The following ADD3 variants were observed in gnomAD, a reference collection of about 807,000 sequenced individuals.
The protein encoded by ADD3 is adducin 3.
Under a neutral mutation model 80.2 loss-of-function variants are expected in ADD3, and 25 were observed. The ratio of observed to expected loss-of-function variants is 0.31; its 90% CI spans 0.23 to 0.44. The LOEUF (loss-of-function observed/expected upper bound fraction) is 0.44. ADD3 is among the 20% of genes least tolerant of loss of function. ADD3 has a pLI of 1.00. For missense variants in ADD3, 829 were observed against 847.5 expected (o/e 0.98, Z 0.27); for synonymous variants, 284 against 289.6 (o/e 0.98, Z 0.20).
intron 1 of ADD3, among the ~76,000 whole-genome samples, chr10:110,059,046 C>G (rs888184651): frequency 6.6e-6 from 1 of 152,208 alleles, no homozygotes; most frequent in Non-Finnish European, 1.5e-5. Context: ...TTTTCACCTC[C>G]ATTACCTTGG....
intron 1 of ADD3, among the ~76,000 whole-genome samples, chr10:110,067,906 T>C (rs931574070): frequency 1.3e-5 from 2 of 152,250 alleles, no homozygotes; most frequent in African/African-American, 4.8e-5. Context: ...CTTTGAATGA[T>C]TTAGTTATTA....
chr10:110,073,849 C>T (rs564804316), intron 1 of ADD3, among the ~76,000 whole-genome samples: 59 of 152,130 alleles, frequency 3.9e-4, no homozygotes, highest in African/African-American at 1.3e-3. Flanking sequence ...TAGAGGAACC[C>T]ATGGAAGCAG....
intron 5 of ADD3, among the ~76,000 whole-genome samples, chr10:110,118,193 G>A: frequency 6.6e-6 from 1 of 152,120 alleles, no homozygotes; most frequent in South Asian, 2.1e-4. Context: ...AGTGACAGGA[G>A]CTACCTTGGT....
intron 2 of ADD3, among the ~76,000 whole-genome samples, chr10:110,111,538 T>A (rs945156040): frequency 6.6e-6 from 1 of 152,152 alleles, no homozygotes; most frequent in African/African-American, 2.4e-5. Flanking sequence ...TAAACACTGT[T>A]TCTGCCACTA....
chr10:110,056,510 A>G (rs760104284), intron 1 of ADD3, among the ~76,000 whole-genome samples: 1 of 152,258 alleles, frequency 6.6e-6, no homozygotes, highest in East Asian at 1.9e-4. Flanking sequence ...TTTTCTCCTT[A>G]TCACAAACAG....
At chr10:110,019,415 C>T (rs1016899281) in intron 1 of ADD3, among the ~76,000 whole-genome samples, 8 of 149,232 alleles carry the variant, frequency 5.4e-5, no homozygotes, top group East Asian at 3.9e-4. Context: ...AGTGCAGTGG[C>T]GCCATCTCGG....
chr10:110,117,783 A>T (rs1850940886), intron 5 of ADD3, among the ~76,000 whole-genome samples: 1 of 152,072 alleles, frequency 6.6e-6, no homozygotes, highest in South Asian at 2.1e-4. Flanking sequence ...TGGGAGGCTG[A>T]GGCAAGTGGA....
At chr10:110,106,348 G>GT (rs534529156) in intron 2 of ADD3, among the ~76,000 whole-genome samples, 12 of 151,298 alleles carry the variant, frequency 7.9e-5, no homozygotes, top group South Asian at 6.3e-4. Context: ...ATCAGGTCAG[G>GT]TTTTTTTAAA....
At chr10:110,130,771 G>A (rs1400201682) in intron 13 of ADD3, among the ~76,000 whole-genome samples, 1 of 151,578 alleles carries the variant, frequency 6.6e-6, no homozygotes, top group Non-Finnish European at 1.5e-5. Context: ...CAGGAGAATC[G>A]CTTGAACCTG....
upstream of ADD3, among the ~76,000 whole-genome samples, chr10:110,006,875 A>G (rs1315839226): frequency 6.6e-6 from 1 of 151,960 alleles, no homozygotes; most frequent in Non-Finnish European, 1.5e-5. Context: ...AGGGTGGGGA[A>G]CGAAGTTTGT....
intron 10 of ADD3, 68 bp downstream of exon 10, chr10:110,124,342 T>G (rs868515241): frequency 5.9e-6 from 9 of 1,515,216 alleles, no homozygotes; most frequent in Non-Finnish European, 7.2e-6. Flanking sequence ...AATTGAATGT[T>G]CTATATTGAA....
intron 1 of ADD3, among the ~76,000 whole-genome samples, chr10:110,045,936 T>C (rs1276016316): frequency 1.3e-5 from 2 of 152,252 alleles, no homozygotes; most frequent in Non-Finnish European, 2.9e-5. Context: ...TAATCATCTA[T>C]GTGAACAGTT....
intron 1 of ADD3, among the ~76,000 whole-genome samples, chr10:110,053,466 C>T (rs945879500): frequency 6.6e-5 from 10 of 151,948 alleles, no homozygotes; most frequent in Non-Finnish European, 4.4e-5. Flanking sequence ...TCTAGTAATA[C>T]TCATTAGAAA....
intron 1 of ADD3, among the ~76,000 whole-genome samples, chr10:110,060,696 T>C (rs56749446): frequency 0.022 from 3,413 of 152,318 alleles, 135 homozygotes; most frequent in African/African-American, 0.074. Context: ...CCTAATATGC[T>C]AGTAGATTGT....
At chr10:110,040,716 G>A (rs1856205395) in intron 1 of ADD3, among the ~76,000 whole-genome samples, 1 of 152,128 alleles carries the variant, frequency 6.6e-6, no homozygotes, top group Admixed American at 6.5e-5. Flanking sequence ...AAGGTTGAAG[G>A]TAAAGAGATT....
At chr10:110,094,322 A>G (rs1847902081) in intron 1 of ADD3, among the ~76,000 whole-genome samples, 1 of 152,198 alleles carries the variant, frequency 6.6e-6, no homozygotes, top group Non-Finnish European at 1.5e-5. Context: ...TGATTTTATA[A>G]TATGATATTT....
At chr10:110,056,089 G>A (rs1026497986) in intron 1 of ADD3, among the ~76,000 whole-genome samples, 9 of 152,174 alleles carry the variant, frequency 5.9e-5, no homozygotes, top group African/African-American at 2.2e-4. Context: ...AGTCAGCAAA[G>A]ACATCTGAAA....
intron 1 of ADD3, among the ~76,000 whole-genome samples, chr10:110,054,437 CT>C (rs1857890476): frequency 9.7e-6 from 1 of 102,738 alleles, no homozygotes; most frequent in Non-Finnish European, 1.8e-5. Flanking sequence ...AGCCAGTTTT[CT>C]CTTTTTTTTT....
chr10:110,082,894 T>A, intron 1 of ADD3, among the ~76,000 whole-genome samples: 1 of 152,216 alleles, frequency 6.6e-6, no homozygotes, highest in South Asian at 2.1e-4. Context: ...CTCAACCATC[T>A]TGGATACTTG....
Sources: allele counts gnomAD v4.1 joint callset (sites outside exome capture counted in the v4.1 genomes callset), GRCh38; gene constraint gnomAD v4.1.1; transcripts MANE v1.5; gene names NCBI Gene and HGNC (gene_info 2026-07-23, HGNC 2026-07-21).